Variants in PRKN observed in about 807,000 individuals in gnomAD.
PRKN encodes E3 ubiquitin-protein ligase parkin.
Under a neutral mutation model 59.5 loss-of-function variants are expected in PRKN, and 56 were observed. The observed-to-expected ratio is 0.94, with a 90% CI of 0.76 to 1.18. The LOEUF is 1.18. Among genes scored for constraint, PRKN ranks in the 50% most tolerant of loss-of-function variants. The probability of loss-of-function intolerance (pLI) is 0.00; values close to 1 mark genes in which losing one functional copy is unlikely to be tolerated. For missense variants in PRKN, 657 were observed against 596.4 expected (o/e 1.10, Z -1.06); for synonymous variants, 250 against 222.1 (o/e 1.13, Z -1.12).
intron 3 of PRKN, among the ~76,000 whole-genome samples, chr6:162,206,737 A>G (rs1784958552): frequency 6.6e-6 from 1 of 152,190 alleles, no homozygotes. Flanking sequence ...GCAGGGGCAC[A>G]GAACCTTCTT....
rs79419693 is a variant in PRKN, at chr6:162,471,550, T to C, written c.8-28077A>G. Among the ~76,000 whole-genome samples, 1,410 of 152,340 alleles carry C rather than the reference T, an allele frequency of 9.3e-3. 27 individuals are homozygous for C. Among genetic ancestry groups the C allele is most frequent in the African/African-American group, 0.033 (1,351 of 41,568 alleles). On this transcript the variant is annotated intron_variant, in intron 1 of 11. Transcript: ENST00000366898. Reference sequence around the variant, plus strand: ...CTCACCACTGCAAAACAATTTACAATTAATTGCTTATACTGCAATTATTAA... The same window carrying C: ...CTCACCACTGCAAAACAATTTACAACTAATTGCTTATACTGCAATTATTAA...
At chr6:162,298,170 G>GGA (rs113066522) in intron 2 of PRKN, among the ~76,000 whole-genome samples, 1,854 of 148,874 alleles carry the variant, frequency 0.012, 29 homozygotes, top group African/African-American at 0.037. Context: ...CAGACGGAGG[G>GGA]GAGAGAGAGA....
intron 1 of PRKN, among the ~76,000 whole-genome samples, chr6:162,458,877 C>T (rs940925460): frequency 5.3e-5 from 8 of 152,098 alleles, no homozygotes; most frequent in African/African-American, 1.2e-4. Context: ...AGTATAGTTG[C>T]ATGACATCGG....
chr6:161,973,168 C>G, intron 6 of PRKN, 134 bp downstream of exon 6: 1 of 702,712 alleles, frequency 1.4e-6, no homozygotes, highest in South Asian at 1.5e-5. Flanking sequence ...AGACACTCCC[C>G]AGGAAAGAGA....
intron 2 of PRKN, among the ~76,000 whole-genome samples, chr6:162,345,054 T>C (rs1199663313): frequency 6.6e-6 from 1 of 152,162 alleles, no homozygotes; most frequent in African/African-American, 2.4e-5. Flanking sequence ...CAGAAACCTC[T>C]TTCTGTGCTC....
chr6:162,104,609 A>AAAC (rs138703911), intron 4 of PRKN, among the ~76,000 whole-genome samples: 1 of 152,044 alleles, frequency 6.6e-6, no homozygotes, highest in African/African-American at 2.4e-5. Context: ...ATTAATAAAT[A>AAAC]AATAAGAATG....
chr6:162,350,429 T>G (rs1784576644), intron 2 of PRKN, among the ~76,000 whole-genome samples: 1 of 152,198 alleles, frequency 6.6e-6, no homozygotes, highest in South Asian at 2.1e-4. Context: ...ACTAAATTTT[T>G]AGAACTAATC....
At chr6:161,380,045 C>A (rs548059909) in intron 10 of PRKN, among the ~76,000 whole-genome samples, 1 of 152,146 alleles carries the variant, frequency 6.6e-6, no homozygotes, top group Non-Finnish European at 1.5e-5. Context: ...TTCCTGGCTC[C>A]GTCTCCAGCC....
chr6:162,401,013 T>C (rs1352122501), intron 2 of PRKN, among the ~76,000 whole-genome samples: 4 of 152,270 alleles, frequency 2.6e-5, no homozygotes, highest in Non-Finnish European at 5.9e-5. Flanking sequence ...ACATTGATGA[T>C]AATGGAAACG....
At chr6:162,098,335 T>C (rs551450717) in intron 4 of PRKN, among the ~76,000 whole-genome samples, 2 of 152,282 alleles carry the variant, frequency 1.3e-5, no homozygotes, top group South Asian at 4.1e-4. Flanking sequence ...GGAGTGGGCA[T>C]ACCATGAGCA....
chr6:161,401,961 TTAAAGAAGGTTCC>T lies in PRKN; in HGVS notation c.1084-15097_1084-15085del, dbSNP rs1268534738. On this transcript the variant is annotated intron_variant, in intron 9 of 11. Coordinates refer to ENST00000366898, the MANE Select transcript of PRKN (RefSeq NM_004562.3). This position sits in a 1 kb window ranked among gnomAD's most constrained non-coding sequence, Gnocchi z 4.4. Reference sequence around the variant, plus strand: ...CTTCTACTTATATTCTTAAGGCCTCTTAAAGAAGGTTCCCAGCTTGGGGCTGGGTAATAATGGT... The same window carrying T: ...CTTCTACTTATATTCTTAAGGCCTCTCAGCTTGGGGCTGGGTAATAATGGT... 2.6e-5 allele frequency among the ~76,000 whole-genome samples: 4 copies of T among 152,182 alleles called. No homozygotes were observed. The highest frequency in any genetic ancestry group is 5.9e-5 in the Non-Finnish European group (4 of 68,042).
At chr6:162,122,274 A>G (rs1273136203) in intron 4 of PRKN, among the ~76,000 whole-genome samples, 1 of 152,092 alleles carries the variant, frequency 6.6e-6, no homozygotes, top group Non-Finnish European at 1.5e-5. Flanking sequence ...ATCTGCTACC[A>G]ACACTCCTGT....
At chr6:161,851,371 C>T (rs1451035258) in intron 6 of PRKN, among the ~76,000 whole-genome samples, 2 of 152,128 alleles carry the variant, frequency 1.3e-5, no homozygotes, top group Admixed American at 6.5e-5. Context: ...TTATAAATTG[C>T]CTAGTCTGTG....
intron 1 of PRKN, among the ~76,000 whole-genome samples, chr6:162,489,546 A>T (rs1792709360): frequency 6.6e-6 from 1 of 152,288 alleles, no homozygotes. Context: ...CTTTGTTTTG[A>T]GTCCCTATTT....
chr6:161,717,714 G>C (rs548782695), intron 7 of PRKN, among the ~76,000 whole-genome samples: 1 of 152,338 alleles, frequency 6.6e-6, no homozygotes, highest in South Asian at 2.1e-4. Flanking sequence ...TAGTAGCCAT[G>C]ATAACTCTGT....
At chr6:161,972,072 G>C (rs548876592) in intron 6 of PRKN, among the ~76,000 whole-genome samples, 2 of 152,080 alleles carry the variant, frequency 1.3e-5, no homozygotes, top group African/African-American at 4.8e-5. Flanking sequence ...TCAGGAGTTC[G>C]AGACCAGCCT....
In PRKN at chr6:161,470,549, T is replaced by C. The variant is rs542231134; in HGVS notation, c.1083+78305A>G. Among the ~76,000 whole-genome samples the C allele has an allele frequency of 2.6e-5, 4 of 152,338 alleles. No homozygotes were observed. The East Asian group carries it at 7.7e-4, about 29-fold the overall frequency. ...AGAGATGTCCTATGTCTTAGAGGGT[T>C]CTGCCCTGGCCCTCCTCTGGCCACA... On this transcript the variant is annotated intron_variant, in intron 9 of 11. Coordinates refer to ENST00000366898, the MANE Select transcript of PRKN (RefSeq NM_004562.3). The surrounding 1 kb of genome is among the most constrained non-coding windows in gnomAD (Gnocchi z 5.1).
intron 7 of PRKN, among the ~76,000 whole-genome samples, chr6:161,661,118 C>T (rs1784528028): frequency 6.6e-6 from 1 of 152,208 alleles, no homozygotes. Flanking sequence ...GTGTCATCAT[C>T]TTCACTCCAG....
chr6:162,322,742 C>G (rs1783083656), intron 2 of PRKN, among the ~76,000 whole-genome samples: 1 of 151,994 alleles, frequency 6.6e-6, no homozygotes, highest in Non-Finnish European at 1.5e-5. Flanking sequence ...AAAATATGAA[C>G]TATGGTCTAT....
Sources: allele counts gnomAD v4.1 joint callset (sites outside exome capture counted in the v4.1 genomes callset), GRCh38; gene constraint gnomAD v4.1.1; non-coding constraint Gnocchi (gnomAD v3.1); transcripts MANE v1.5; gene names NCBI Gene and HGNC (gene_info 2026-07-23, HGNC 2026-07-21).